Variants in LMNB1 observed in about 807,000 individuals in gnomAD.
LMNB1 encodes the protein lamin B1.
In LMNB1, 23 loss-of-function variants were observed where a neutral mutation model predicts 67.1. The ratio of observed to expected loss-of-function variants is 0.34; its 90% CI spans 0.25 to 0.49. LMNB1 has a LOEUF of 0.49. Ranked by LOEUF, LMNB1 falls within the 20% of genes least tolerant of loss-of-function variation. LMNB1 has a pLI of 0.99. For synonymous variants in LMNB1, 281 were observed against 282.9 expected (o/e 0.99, Z 0.07); for missense variants, 634 against 746.5 (o/e 0.85, Z 1.76).
chr5:126,787,546 A>ATATATATATATTTTT, intron 1 of LMNB1, among the ~76,000 whole-genome samples: 16 of 65,572 alleles, frequency 2.4e-4, no homozygotes, highest in African/African-American at 1.0e-3. Context: ...ATATATATAT[A>ATATATATATATTTTT]TTTTTTTTTT....
chr5:126,807,874 T>TTGTTTTTGTTTTTGTTTC (rs1272864049), intron 3 of LMNB1, among the ~76,000 whole-genome samples: 2 of 152,170 alleles, frequency 1.3e-5, no homozygotes, highest in Non-Finnish European at 2.9e-5. Context: ...GTTTTTGTTT[T>TTGTTTTTGTTTTTGTTTC]TTTTAACTCT....
At chr5:126,794,680 G>T (rs964950044) in intron 1 of LMNB1, among the ~76,000 whole-genome samples, 2 of 152,184 alleles carry the variant, frequency 1.3e-5, no homozygotes, top group Non-Finnish European at 2.9e-5. Context: ...CAGGAACAGA[G>T]CTTAGCCAGC....
intron 5 of LMNB1, among the ~76,000 whole-genome samples, chr5:126,818,303 A>T (rs1414583051): frequency 7.0e-6 from 1 of 143,872 alleles, no homozygotes; most frequent in Non-Finnish European, 1.5e-5. Flanking sequence ...CAATGGCGTG[A>T]TCTTGGCTCA....
chr5:126,777,769 C>A lies in LMNB1; in HGVS notation c.261C>A (p.Ala87=), dbSNP rs1180695150. The A allele has an allele frequency of 5.3e-6, 8 of 1,513,710 alleles. No individual in the cohort carries two copies. The East Asian group carries it at 1.9e-4, about 35-fold the overall frequency. 93.8% of individuals were successfully genotyped at this position (1,513,710 alleles called of 1,614,324 possible). The change falls in exon 1 of 11, where the codon GCC becomes GCA. Residue 87 remains alanine, a synonymous_variant. Coordinates refer to ENST00000261366, the MANE Select transcript of LMNB1 (RefSeq NM_005573.4). ...GLKALYETEL[A]DARRALDDTA... ...AGGCGCTCTACGAGACCGAGCTGGC[C>A]GACGCGCGACGCGCGCTCGACGACA...
chr5:126,818,208 T>G (rs1253625744), intron 5 of LMNB1, among the ~76,000 whole-genome samples: 3 of 151,920 alleles, frequency 2.0e-5, no homozygotes, highest in Non-Finnish European at 4.4e-5. Flanking sequence ...TTACCCACTC[T>G]TAGGTTTATT....
chr5:126,805,773 A>C, intron 3 of LMNB1, 77 bp downstream of exon 3: 2 of 1,028,482 alleles, frequency 1.9e-6, no homozygotes, highest in Non-Finnish European at 2.8e-6. Context: ...ACATGTAATT[A>C]TATTTTATTT....
At chr5:126,832,889 A>G in intron 10 of LMNB1, 88 bp downstream of exon 10, 1 of 810,776 alleles carries the variant, frequency 1.2e-6, no homozygotes. Flanking sequence ...TTTTTCCCCT[A>G]TCAGTTGATG....
Position 126,836,926 on chromosome 5 carries a change from CTA to C in LMNB1, c.*664_*665del, listed in dbSNP as rs1045038244. ...GAGGTGGAGGGAGGGAAGGGTTTCT[CTA>C]TTAAAATGCATTCGTTGTGTTTTTT... On this transcript the variant is annotated 3_prime_UTR_variant, in exon 11 of 11. Transcript: ENST00000261366. 1.3e-5 allele frequency: 5 copies of C among 397,946 alleles called. No homozygotes were observed. Among genetic ancestry groups the C allele is most frequent in the African/African-American group, 8.2e-5 (4 of 48,642 alleles). 24.7% of individuals were successfully genotyped at this position (397,946 alleles called of 1,614,324 possible).
chr5:126,797,944 G>T (rs1751145966), intron 1 of LMNB1, among the ~76,000 whole-genome samples: 1 of 152,072 alleles, frequency 6.6e-6, no homozygotes, highest in Non-Finnish European at 1.5e-5. Flanking sequence ...AAATTAGCCG[G>T]GCGTAGTGGC....
chr5:126,826,025 C>A lies in LMNB1; in HGVS notation c.1529C>A (p.Pro510Gln), dbSNP rs192973081. The A allele has an allele frequency of 1.9e-6, 3 of 1,613,886 alleles. No individual in the cohort carries two copies. In the African/African-American group the frequency reaches 4.0e-5, roughly 22 times the overall value. The part of the protein sequence containing the change: ...AANAGVTASP[P>Q]TDLIWKNQNS... ...AACGCTGGTGTCACAGCCAGCCCCCCAACTGACCTCATCTGGAAGAACCAG... is the reference window on the plus strand; with the variant it reads ...AACGCTGGTGTCACAGCCAGCCCCCAAACTGACCTCATCTGGAAGAACCAG... The change falls in exon 9 of 11, where the codon CCA becomes CAA. Residue 510 changes from proline (P) to glutamine (Q), a missense_variant. Transcript: ENST00000261366.
intron 1 of LMNB1, among the ~76,000 whole-genome samples, chr5:126,788,519 C>G (rs760531958): frequency 2.2e-4 from 34 of 152,116 alleles, no homozygotes; most frequent in Non-Finnish European, 4.6e-4. Flanking sequence ...TGCCTTTAAT[C>G]TCAACTACTG....
chr5:126,793,477 G>T (rs993243348), intron 1 of LMNB1, among the ~76,000 whole-genome samples: 1 of 152,222 alleles, frequency 6.6e-6, no homozygotes, highest in African/African-American at 2.4e-5. Flanking sequence ...GTGAGTAGCA[G>T]AATTTTATTG....
chr5:126,778,373 G>C (rs1465798488), intron 1 of LMNB1, among the ~76,000 whole-genome samples: 2 of 152,232 alleles, frequency 1.3e-5, no homozygotes, highest in Non-Finnish European at 2.9e-5. Flanking sequence ...CGCGCGGGCA[G>C]AGAGAGGAAG....
In LMNB1 at chr5:126,822,980, A is replaced by G. The variant is rs1751907491; in HGVS notation, c.1491+95A>G. The G allele has an allele frequency of 4.1e-6, 3 of 736,606 alleles. No individual in the cohort carries two copies. In the East Asian group the frequency reaches 8.1e-5, roughly 20 times the overall value. 45.6% of individuals were successfully genotyped at this position (736,606 alleles called of 1,614,324 possible). A position where few individuals can be genotyped will look rare whatever the true frequency, so the allele number is the denominator to read the frequency against. Reference sequence around the variant, plus strand: ...TTGGCTAAAAGAGAAGCATTTTAGAAATGGCCGTTAAAGTACTTTTTATAT... The same window carrying G: ...TTGGCTAAAAGAGAAGCATTTTAGAGATGGCCGTTAAAGTACTTTTTATAT... On this transcript the variant is annotated intron_variant, in intron 8 of 10. Coordinates refer to ENST00000261366, the MANE Select transcript of LMNB1 (RefSeq NM_005573.4).
intron 4 of LMNB1, among the ~76,000 whole-genome samples, chr5:126,810,683 G>C (rs1299351025): frequency 6.6e-6 from 1 of 152,172 alleles, no homozygotes; most frequent in Non-Finnish European, 1.5e-5. Context: ...TGATCATGCT[G>C]TCCTACATAA....
At chr5:126,780,594 G>A (rs1750608618) in intron 1 of LMNB1, among the ~76,000 whole-genome samples, 2 of 152,220 alleles carry the variant, frequency 1.3e-5, no homozygotes, top group Admixed American at 6.5e-5. Flanking sequence ...AAATAAAGCG[G>A]AGTGAAGGGT....
intron 5 of LMNB1, among the ~76,000 whole-genome samples, chr5:126,812,922 G>C (rs988561190): frequency 6.6e-6 from 1 of 151,730 alleles, no homozygotes; most frequent in Non-Finnish European, 1.5e-5. Flanking sequence ...GTAGAGACGG[G>C]GTTTCACCGT....
In LMNB1 at chr5:126,821,028, A is replaced by G; in HGVS notation, c.1279A>G (p.Ser427Gly). ...KRVDVEESEA[S>G]SSVSISHSAS... ...GGTTGATGTGGAAGAATCAGAGGCG[A>G]GTAGTAGTGTTAGCATCTCTCATTC... Residue 427 changes from serine (S) to glycine (G), a missense_variant, in exon 7 of 11, where the codon AGT becomes GGT. By Grantham distance (56) the Ser-to-Gly change is moderately conservative (BLOSUM62 0). Coordinates refer to ENST00000261366, the MANE Select transcript of LMNB1 (RefSeq NM_005573.4). The G allele has an allele frequency of 6.2e-7, 1 of 1,614,012 alleles. No homozygotes were observed. The highest frequency in any genetic ancestry group is 2.2e-5 in the East Asian group (1 of 44,884).
intron 1 of LMNB1, among the ~76,000 whole-genome samples, chr5:126,787,184 A>G (rs1462884874): frequency 6.6e-6 from 1 of 152,108 alleles, no homozygotes; most frequent in Non-Finnish European, 1.5e-5. Flanking sequence ...AGTGCAGTAT[A>G]CTAATAAAAT....
Sources: allele counts gnomAD v4.1 joint callset (sites outside exome capture counted in the v4.1 genomes callset), GRCh38; gene constraint gnomAD v4.1.1; transcripts MANE v1.5; gene names NCBI Gene and HGNC (gene_info 2026-07-23, HGNC 2026-07-21).